GIGYF1: variants seen among roughly 807,000 people sequenced by gnomAD.
GIGYF1 encodes GRB10-interacting GYF protein 1.
GIGYF1 carries 84 observed loss-of-function variants against 147.1 expected under a neutral mutation model. That is an observed-to-expected ratio of 0.57 (90% CI 0.48 to 0.68). The LOEUF is 0.68. Among genes scored for constraint, GIGYF1 ranks in the 30% least tolerant of loss-of-function variants. The probability of loss-of-function intolerance (pLI) is 0.00; values close to 1 mark genes in which losing one functional copy is unlikely to be tolerated. For synonymous variants in GIGYF1, 752 were observed against 589.5 expected (o/e 1.28, Z -3.99); for missense variants, 1,485 against 1,393.7 (o/e 1.07, Z -1.04).
In GIGYF1 at chr7:100,680,246, G is replaced by A. The variant is rs1804603768; in HGVS notation, c.*1473C>T. 1 of 152,200 alleles carries A rather than the reference G, an allele frequency of 6.6e-6. No homozygotes were observed. Among genetic ancestry groups the A allele is most frequent in the Admixed American group, 6.6e-5 (1 of 15,230 alleles). The allele number at this position is 152,200 out of a possible 1,614,324, so 9.4% of individuals were successfully genotyped here. ...CTGGGACTAGATGGGGAAAGAAACG[G>A]GCCACTCCCCATGTCCCCAGGGCAG... is the stretch of plus-strand genomic sequence containing the variant. On this transcript the variant is annotated 3_prime_UTR_variant, in exon 27 of 27. Transcript: ENST00000678049.
intron 1 of GIGYF1, among the ~76,000 whole-genome samples, chr7:100,693,711 G>A (rs1275640979): frequency 3.9e-5 from 6 of 152,170 alleles, no homozygotes; most frequent in African/African-American, 1.2e-4. Context: ...GCAGGGCTTG[G>A]CAGGGGCCCG....
chr7:100,683,417 T>G lies in GIGYF1; in HGVS notation c.2080A>C (p.Arg694=), dbSNP rs1584492699. The change falls in exon 21 of 27, where the codon AGG becomes CGG. Residue 694 remains arginine (R), a synonymous_variant. Coordinates refer to ENST00000678049, the MANE Select transcript of GIGYF1 (RefSeq NM_001375765.1). ...KFQERREVEL[R]AKREEEERKR... is the part of the protein sequence containing the mutation. ...CGTTCCTCTTCCTCCCGCTTCGCCC[T>G]GAGCTCCACTTCTCTGCGCTCCTGG... The G allele has an allele frequency of 1.2e-6, 2 of 1,613,966 alleles. No homozygotes were observed. The highest frequency in any genetic ancestry group is 1.7e-6 in the Non-Finnish European group (2 of 1,180,000).
chr7:100,685,279 G>T lies in GIGYF1; in HGVS notation c.1192+65C>A, dbSNP rs368114572. The T allele has an allele frequency of 7.8e-6, 12 of 1,534,388 alleles. No individual in the cohort carries two copies. In the African/African-American group the frequency reaches 1.7e-4, roughly 21 times the overall value. On this transcript the variant is annotated intron_variant, in intron 13 of 26. Transcript: ENST00000678049. Reference sequence around the variant, plus strand: ...GAATGCCCTGTGTGCCCACCCCCACGAGTGGGGAGCACTTTCTCCCACAGC... The same window carrying T: ...GAATGCCCTGTGTGCCCACCCCCACTAGTGGGGAGCACTTTCTCCCACAGC...
chr7:100,686,030 C>A lies in GIGYF1; in HGVS notation c.998G>T (p.Gly333Val), dbSNP rs1416438291. The A allele has an allele frequency of 6.2e-7, 1 of 1,612,232 alleles. No individual in the cohort carries two copies. Among genetic ancestry groups the A allele is most frequent in the African/African-American group, 1.3e-5 (1 of 74,988 alleles). Residue 333 changes from glycine (G) to valine (V), a missense_variant, in exon 12 of 27, where the codon GGG (glycine) becomes GTG (valine). By Grantham distance (109) the Gly-to-Val change is moderately radical. Coordinates refer to ENST00000678049, the MANE Select transcript of GIGYF1 (RefSeq NM_001375765.1). ...GGAAGGTTCCTCCTCCTCCTCCAAC[C>A]CTTGGAAGTCCAGCTCCTGCTCCTC... is the stretch of plus-strand genomic sequence containing the variant. Reference protein sequence around the residue: ...IPEEQELDFQGLEEEEEPSEG... With the variant: ...IPEEQELDFQVLEEEEEPSEG...
At position 100,691,299 on chromosome 7, in the gene GIGYF1, G is replaced by A. The variant is rs548372120; in HGVS notation, c.-1098-1744C>T. 2.2e-4 allele frequency among the ~76,000 whole-genome samples: 33 copies of A among 152,284 alleles called. No individual in the cohort carries two copies. In the South Asian group the frequency reaches 6.0e-3, roughly 28 times the overall value. ...CTATGTGACTCCAGATACCAAGTGC[G>A]CCAGTGCTGAGACACCCTCCTCTGC... On this transcript the variant is annotated intron_variant, in intron 1 of 26. Coordinates refer to ENST00000678049, the MANE Select transcript of GIGYF1 (RefSeq NM_001375765.1).
In GIGYF1 at chr7:100,687,516, G is replaced by A. The variant is rs1402450453; in HGVS notation, c.362C>T (p.Thr121Met). The change falls in exon 7 of 27, where the codon ACG (threonine) becomes ATG (methionine). Residue 121 changes from threonine (T) to methionine (M), a missense_variant. Coordinates refer to ENST00000678049, the MANE Select transcript of GIGYF1 (RefSeq NM_001375765.1). ...LAGTSRGRGS[T>M]RSRGRGRGDS... Reference sequence around the variant, plus strand: ...CATCACCCCTCTACCTCGGCTCCGCGTGCTGCCCCTGCCTCGGGAGGTGCC... The same window carrying A: ...CATCACCCCTCTACCTCGGCTCCGCATGCTGCCCCTGCCTCGGGAGGTGCC... 17 of 1,611,644 alleles carry A rather than the reference G, an allele frequency of 1.1e-5. No individual in the cohort carries two copies. The highest frequency in any genetic ancestry group is 6.6e-5 in the South Asian group (6 of 90,924).
In GIGYF1 at chr7:100,683,022, T is replaced by C. The variant is rs752058031; in HGVS notation, c.2402A>G (p.Asn801Ser). ...TCCCGGCCTGCTCACCACTCGGTGG[T>C]TGGGGGCCTGGGCCCGAGCTGGCTC... Reference protein sequence around the residue: ...PREPARAQAPNHRVQLGGLGT... With the variant: ...PREPARAQAPSHRVQLGGLGT... Residue 801 changes from asparagine (N) to serine (S), a missense_variant, in exon 22 of 27, where the codon AAC becomes AGC. Asn to Ser is a conservative substitution (Grantham distance 46). Coordinates refer to ENST00000678049, the MANE Select transcript of GIGYF1 (RefSeq NM_001375765.1). The C allele has an allele frequency of 3.3e-5, 51 of 1,533,706 alleles. No homozygotes were observed. Among genetic ancestry groups the C allele is most frequent in the Middle Eastern group, 2.0e-4 (1 of 4,998 alleles).
At chr7:100,685,175 G>A (rs752046513) in intron 13 of GIGYF1, 29 bp from the exon 14 acceptor site, 9 of 1,544,678 alleles carry the variant, frequency 5.8e-6, no homozygotes, top group Admixed American at 3.7e-5. Context: ...GAGGTGGAAA[G>A]AAGGGCGGGG....
rs770787658 is a variant in GIGYF1, at chr7:100,686,468, T to C, written c.695-35A>G. On this transcript the variant is annotated intron_variant, in intron 10 of 26. Coordinates refer to ENST00000678049, the MANE Select transcript of GIGYF1 (RefSeq NM_001375765.1). ...AAAAGTCAGGGAGAAGAAGAGTGGG[T>C]ACCCAAGCGAAGCCAGCGGCCCCCT... The C allele has an allele frequency of 2.6e-6, 4 of 1,549,634 alleles. No individual in the cohort carries two copies. In the South Asian group the frequency reaches 4.9e-5, roughly 19 times the overall value.
rs1176084380 is a variant in GIGYF1, at chr7:100,680,787, G to A, written c.*932C>T. On this transcript the variant is annotated 3_prime_UTR_variant, in exon 27 of 27. Transcript: ENST00000678049. ...AATCATCCACCCCCGCCGCTCACAG[G>A]GGTGAGGCAGCTCAGGCAGGGGTGA... 2.0e-5 allele frequency: 3 copies of A among 152,786 alleles called. No homozygotes were observed. Among genetic ancestry groups the A allele is most frequent in the Admixed American group, 1.3e-4 (2 of 15,286 alleles). The allele number at this position is 152,786 out of a possible 1,614,324, so 9.5% of individuals were successfully genotyped here. A position where few individuals can be genotyped will look rare whatever the true frequency, so the allele number is the denominator to read the frequency against.
In GIGYF1 at chr7:100,686,760, T is replaced by C. The variant is rs999053225; in HGVS notation, c.583A>G (p.Ser195Gly). 5 of 1,614,064 alleles carry C rather than the reference T, an allele frequency of 3.1e-6. No individual in the cohort carries two copies. Among genetic ancestry groups the C allele is most frequent in the Non-Finnish European group, 4.2e-6 (5 of 1,180,036 alleles). The change falls in exon 10 of 27, where the codon AGC becomes GGC. Residue 195 changes from serine to glycine, a missense_variant. Transcript: ENST00000678049. Reference sequence around the variant, plus strand: ...TCCCGTAGGGAGCGCCAGTTCTCGCTGTCTGAGCGGGCGTGCTCCTTCCTT... The same window carrying C: ...TCCCGTAGGGAGCGCCAGTTCTCGCCGTCTGAGCGGGCGTGCTCCTTCCTT... ...GPRKEHARSD[S>G]ENWRSLREEQ...
Position 100,682,361 on chromosome 7 carries a change from G to C in GIGYF1, c.2722C>G (p.Gln908Glu). 1 of 1,613,410 alleles carries C rather than the reference G, an allele frequency of 6.2e-7. No homozygotes were observed. Among genetic ancestry groups the C allele is most frequent in the African/African-American group, 1.3e-5 (1 of 75,062 alleles). Residue 908 changes from glutamine (Q) to glutamate (E), a missense_variant, in exon 24 of 27, where the codon CAG becomes GAG. Gln to Glu is a conservative substitution (Grantham distance 29). Coordinates refer to ENST00000678049, the MANE Select transcript of GIGYF1 (RefSeq NM_001375765.1). ...PQDGFTQWCE[Q>E]MLHTLSATGS... The stretch of plus-strand genomic sequence containing the variant: ...GTGGCGCTCAGCGTGTGCAGCATCT[G>C]CTCGCACCACTGGGTGAAGCCGTCC...
At chr7:100,688,549 C>A (rs1185824855) in intron 2 of GIGYF1, 34 bp from the exon 3 acceptor site, 1 of 615,000 alleles carries the variant, frequency 1.6e-6, no homozygotes, top group South Asian at 1.5e-5. Context: ...AGCTCGAGTC[C>A]TTTCGGCCTC....
At chr7:100,682,528 TTGGG>T in intron 23 of GIGYF1, 46 bp from the exon 24 acceptor site, 2 of 1,599,374 alleles carry the variant, frequency 1.3e-6, no homozygotes, top group Non-Finnish European at 1.7e-6. Flanking sequence ...CTGGCAGGGG[TTGGG>T]GGGGTCTGCC....
At chr7:100,687,126 C>T in intron 8 of GIGYF1, 80 bp from the exon 9 acceptor site, 3 of 1,584,250 alleles carry the variant, frequency 1.9e-6, no homozygotes, top group Non-Finnish European at 2.6e-6. Context: ...GCCTTGTCCA[C>T]TGTGCCCTGA....
Position 100,684,140 on chromosome 7 carries a change from C to G in GIGYF1, c.1748G>C (p.Cys583Ser). ...QLVSSRQLPQ[C>S]ALREKAALGD... is the part of the protein sequence containing the mutation. ...CAGAGCTGCCTTTTCTCGGAGCGCG[C>G]ACTGTGGGAGCTGGCGGCTGCAAAT... is the stretch of plus-strand genomic sequence containing the variant. Residue 583 changes from cysteine (C) to serine (S), a missense_variant, in exon 18 of 27, where the codon TGC becomes TCC. Transcript: ENST00000678049. 3.1e-6 allele frequency: 5 copies of G among 1,609,132 alleles called. No individual in the cohort carries two copies. Among genetic ancestry groups the G allele is most frequent in the Non-Finnish European group, 4.2e-6 (5 of 1,179,662 alleles).
At chr7:100,683,773 C>T in intron 19 of GIGYF1, 45 bp downstream of exon 19, 2 of 1,575,610 alleles carry the variant, frequency 1.3e-6, no homozygotes, top group Non-Finnish European at 1.7e-6. Context: ...GACCCCATTT[C>T]ACCCGGAGAC....
At position 100,685,050 on chromosome 7, in the gene GIGYF1, T is replaced by G; in HGVS notation, c.1289A>C (p.Gln430Pro). The change falls in exon 14 of 27, where the codon CAG becomes CCG. Residue 430 changes from glutamine (Q) to proline (P), a missense_variant and splice_region_variant. Coordinates refer to ENST00000678049, the MANE Select transcript of GIGYF1 (RefSeq NM_001375765.1). ...TCCCGCTTTCTCAGGCCCCCACACC[T>G]GCTGCAGGTGCTTCAAGCCTTCATC... The part of the protein sequence containing the change: ...EDDEGLKHLQ[Q>P]EAEKLVASLQ... 1 of 1,565,912 alleles carries G rather than the reference T, an allele frequency of 6.4e-7. No homozygotes were observed. Among genetic ancestry groups the G allele is most frequent in the Non-Finnish European group, 8.7e-7 (1 of 1,154,108 alleles).
At position 100,680,305 on chromosome 7, in the gene GIGYF1, G is replaced by A. The variant is rs984370851; in HGVS notation, c.*1414C>T. 1 of 152,674 alleles carries A rather than the reference G, an allele frequency of 6.5e-6. No individual in the cohort carries two copies. Among genetic ancestry groups the A allele is most frequent in the Non-Finnish European group, 1.5e-5 (1 of 68,096 alleles). The allele number at this position is 152,674 out of a possible 1,614,324, so 9.5% of individuals were successfully genotyped here. The stretch of plus-strand genomic sequence containing the variant: ...AATACATTCATGGAGGGAGGCAGTG[G>A]CGAAGCCTTGCCCTAATACTGCACT... On this transcript the variant is annotated 3_prime_UTR_variant, in exon 27 of 27. Coordinates refer to ENST00000678049, the MANE Select transcript of GIGYF1 (RefSeq NM_001375765.1).
Sources: allele counts gnomAD v4.1 joint callset (sites outside exome capture counted in the v4.1 genomes callset), GRCh38; gene constraint gnomAD v4.1.1; transcripts MANE v1.5; gene names NCBI Gene and HGNC (gene_info 2026-07-23, HGNC 2026-07-21).